Variants in ADARB2 observed in about 807,000 individuals in gnomAD.
The protein encoded by ADARB2 is adenosine deaminase RNA specific B2 (inactive), also known as inactive double-stranded RNA-specific editase B2.
In ADARB2, 25 loss-of-function variants were observed where a neutral mutation model predicts 62.2. The observed-to-expected ratio is 0.40, with a 90% CI of 0.29 to 0.56. The LOEUF is 0.56. ADARB2 is among the 20% of genes least tolerant of loss of function. The probability of loss-of-function intolerance (pLI) is 0.43; values close to 1 mark genes in which losing one functional copy is unlikely to be tolerated. For synonymous variants in ADARB2, 572 were observed against 500.8 expected (o/e 1.14, Z -1.90); for missense variants, 1,071 against 1,077.4 (o/e 0.99, Z 0.08).
chr10:1,286,470 TCTGA>T (rs759104497), intron 3 of ADARB2, among the ~76,000 whole-genome samples: 1 of 152,200 alleles, frequency 6.6e-6, no homozygotes, highest in Non-Finnish European at 1.5e-5. Context: ...GTTCAAATTA[TCTGA>T]CTATTTAATT....
chr10:1,651,567 C>G (rs1445149555), intron 1 of ADARB2, among the ~76,000 whole-genome samples: 1 of 152,290 alleles, frequency 6.6e-6, no homozygotes, highest in Non-Finnish European at 1.5e-5. Context: ...AGCCCCTGAC[C>G]TCAGCACACT....
chr10:1,397,738 G>C lies in ADARB2; in HGVS notation c.101-18578C>G, dbSNP rs868562172. 3.7e-3 allele frequency among the ~76,000 whole-genome samples: 164 copies of C among 43,774 alleles called. 1 individual carries two copies. The highest frequency in any genetic ancestry group is 7.3e-3 in the South Asian group (7 of 956). 28.7% of individuals were successfully genotyped at this position (43,774 alleles called of 152,430 possible). On this transcript the variant is annotated intron_variant, in intron 1 of 9. Transcript: ENST00000381312. ...CCGTCCTCCTCTCCCCTCCCGAGTG[G>C]AGGCTTCCTGGGTCACCGTCCGTCT...
intron 3 of ADARB2, among the ~76,000 whole-genome samples, chr10:1,329,459 G>T (rs1388693807): frequency 6.6e-6 from 1 of 152,242 alleles, no homozygotes; most frequent in Non-Finnish European, 1.5e-5. Flanking sequence ...TGCGAAGGCT[G>T]TGGCCTGACC....
In ADARB2 at chr10:1,613,383, A is replaced by T. The variant is rs377262793; in HGVS notation, c.100+123668T>A. Among the ~76,000 whole-genome samples, 6 of 152,224 alleles carry T rather than the reference A, an allele frequency of 3.9e-5. No individual in the cohort carries two copies. The East Asian group carries it at 9.6e-4, about 24-fold the overall frequency. Reference sequence around the variant, plus strand: ...GCATGTCTTTATAATTTTTCCTACTACTTCTTGTCGTTACCATTTCAAGGA... The same window carrying T: ...GCATGTCTTTATAATTTTTCCTACTTCTTCTTGTCGTTACCATTTCAAGGA... On this transcript the variant is annotated intron_variant, in intron 1 of 9. Coordinates refer to ENST00000381312, the MANE Select transcript of ADARB2 (RefSeq NM_018702.4).
At chr10:1,216,772 C>T in intron 7 of ADARB2, 179 bp downstream of exon 7, 1 of 853,196 alleles carries the variant, frequency 1.2e-6, no homozygotes, top group Admixed American at 2.8e-5. Flanking sequence ...GTGCCTTGGC[C>T]TCAGGGTGTG....
At chr10:1,662,581 C>T (rs1227629783) in intron 1 of ADARB2, among the ~76,000 whole-genome samples, 1 of 152,162 alleles carries the variant, frequency 6.6e-6, no homozygotes, top group Non-Finnish European at 1.5e-5. Flanking sequence ...GTAATTTTAC[C>T]ACAGCTATTA....
At chr10:1,670,001 G>A (rs541469651) in intron 1 of ADARB2, among the ~76,000 whole-genome samples, 4 of 152,304 alleles carry the variant, frequency 2.6e-5, no homozygotes, top group Admixed American at 1.3e-4. Context: ...AACCATTCAC[G>A]TGTGGGTACA....
At chr10:1,474,847 C>T (rs1249913719) in intron 1 of ADARB2, among the ~76,000 whole-genome samples, 1 of 152,112 alleles carries the variant, frequency 6.6e-6, no homozygotes, top group East Asian at 1.9e-4. Context: ...CGGGAGGAGG[C>T]GGCTTCAGAA....
chr10:1,247,024 AGT>A lies in ADARB2; in HGVS notation c.1193-4727_1193-4726del. Among the ~76,000 whole-genome samples the A allele has an allele frequency of 2.6e-5, 4 of 152,204 alleles. No homozygotes were observed. The South Asian group carries it at 8.3e-4, about 32-fold the overall frequency. ...TTTATTTCATTGAGCAGTGGTTTGT[AGT>A]TCTCCTTGAAGAGGTCCTTCACATC... On this transcript the variant is annotated intron_variant, in intron 4 of 9. Transcript: ENST00000381312.
At chr10:1,257,569 C>T (rs1252282791) in intron 4 of ADARB2, among the ~76,000 whole-genome samples, 2 of 152,210 alleles carry the variant, frequency 1.3e-5, no homozygotes, top group Non-Finnish European at 2.9e-5. Flanking sequence ...GGGCTGGGTC[C>T]AGAGCGCTGT....
At chr10:1,450,773 G>T (rs1229967437) in intron 1 of ADARB2, among the ~76,000 whole-genome samples, 1 of 152,202 alleles carries the variant, frequency 6.6e-6, no homozygotes, top group East Asian at 1.9e-4. Context: ...GGCTTTGGGG[G>T]CTGCAGGAGC....
At chr10:1,448,464 C>G (rs137895195) in intron 1 of ADARB2, among the ~76,000 whole-genome samples, 38 of 152,320 alleles carry the variant, frequency 2.5e-4, no homozygotes, top group African/African-American at 8.9e-4. Context: ...AGCTGCTGCC[C>G]AAATCCCTCC....
intron 1 of ADARB2, among the ~76,000 whole-genome samples, chr10:1,441,654 T>C (rs889194076): frequency 6.6e-6 from 1 of 152,212 alleles, no homozygotes; most frequent in African/African-American, 2.4e-5. Flanking sequence ...CATATTTGTC[T>C]TTTTTTCTGT....
At chr10:1,387,500 C>G (rs894235948) in intron 1 of ADARB2, among the ~76,000 whole-genome samples, 1 of 151,902 alleles carries the variant, frequency 6.6e-6, no homozygotes, top group Admixed American at 6.6e-5. Context: ...CAGTGAAAAA[C>G]ATATTTGCAA....
intron 8 of ADARB2, among the ~76,000 whole-genome samples, chr10:1,195,414 T>A (rs1273874741): frequency 1.3e-5 from 2 of 148,748 alleles, no homozygotes; most frequent in African/African-American, 2.5e-5. Flanking sequence ...TTTTTTTTTT[T>A]AAGATAAGGG....
At chr10:1,417,782 G>T (rs1440278132) in intron 1 of ADARB2, among the ~76,000 whole-genome samples, 2 of 152,220 alleles carry the variant, frequency 1.3e-5, no homozygotes, top group African/African-American at 2.4e-5. Flanking sequence ...GCTTCTTAGG[G>T]TGTGCCATGG....
intron 1 of ADARB2, among the ~76,000 whole-genome samples, chr10:1,538,368 G>A (rs75711019): frequency 0.2 from 30,772 of 152,152 alleles, 3,403 homozygotes; most frequent in Non-Finnish European, 0.25. Flanking sequence ...AGCACAAGCC[G>A]GAGGGGTCTC....
chr10:1,269,589 A>G (rs1831239115), intron 4 of ADARB2, among the ~76,000 whole-genome samples: 1 of 152,222 alleles, frequency 6.6e-6, no homozygotes, highest in Admixed American at 6.5e-5. Flanking sequence ...AGTCCCAGCG[A>G]GGCTCAGTGG....
rs866541563 is a variant in ADARB2, at chr10:1,475,840, T to C, written c.101-96680A>G. Among the ~76,000 whole-genome samples the C allele has an allele frequency of 9.2e-5, 14 of 152,274 alleles. No homozygotes were observed. In the Middle Eastern group the frequency reaches 0.01, roughly 111 times the overall value. On this transcript the variant is annotated intron_variant, in intron 1 of 9. Transcript: ENST00000381312. ...CTCAGGATGCAAAGGCCACCGGCAA[T>C]GAGGAGGGAAATGCCCCCACAACTG...
Sources: gnomAD v4.1 joint callset for allele counts (sites outside exome capture counted in the v4.1 genomes callset) on GRCh38, gnomAD v4.1.1 for gene constraint, MANE v1.5 for transcripts, NCBI Gene and HGNC (gene_info 2026-07-23, HGNC 2026-07-21) for gene names.